The following RETREG2 variants were observed in gnomAD, a reference collection of about 807,000 sequenced individuals.
RETREG2 encodes the protein reticulophagy regulator family member 2.
RETREG2 carries 21 observed loss-of-function variants against 51.6 expected under a neutral mutation model. That is an observed-to-expected ratio of 0.41 (90% CI 0.29 to 0.59). The LOEUF is 0.59. Ranked by LOEUF, RETREG2 falls within the 20% of genes least tolerant of loss-of-function variation. RETREG2 has a pLI of 0.34. For synonymous variants in RETREG2, 339 were observed against 288.6 expected (o/e 1.17, Z -1.77); for missense variants, 674 against 646.0 (o/e 1.04, Z -0.47).
chr2:219,182,563 C>T lies in RETREG2; in HGVS notation c.1566C>T (p.Pro522=). 1 of 1,614,190 alleles carries T rather than the reference C, an allele frequency of 6.2e-7. No individual in the cohort carries two copies. Among genetic ancestry groups the T allele is most frequent in the South Asian group, 1.1e-5 (1 of 91,088 alleles). ...CGCCAAAACCCCCTGATGCTCCACCCCTGGGGCCCGACATCCATTCTCTGG... is the reference window on the plus strand; with the variant it reads ...CGCCAAAACCCCCTGATGCTCCACCTCTGGGGCCCGACATCCATTCTCTGG... ...ETPPKPPDAP[P]LGPDIHSLVQ... The change falls in exon 9 of 9, where the codon CCC becomes CCT. Residue 522 remains proline, a synonymous_variant. Transcript: ENST00000430297.
In RETREG2 at chr2:219,180,261, T is replaced by A. The variant is rs1436837698; in HGVS notation, c.555+16T>A. 2.5e-6 allele frequency: 4 copies of A among 1,613,982 alleles called. 1 individual carries two copies. The South Asian group carries it at 4.4e-5, about 18-fold the overall frequency. On this transcript the variant is annotated intron_variant, in intron 4 of 8. Transcript: ENST00000430297. ...TCCAGCTCAGGTAACCTCCCCTACA[T>A]CATACAACAGTTCACTACACTGAAG...
chr2:219,179,940 C>G (rs374499457), intron 3 of RETREG2, 170 bp from the exon 4 acceptor site: 5 of 1,138,904 alleles, frequency 4.4e-6, no homozygotes, highest in Non-Finnish European at 6.5e-6. Context: ...CCTTTTGGGG[C>G]AGAGGGTTGG....
rs1205485928 is a variant in RETREG2 at position 219,178,320 on chromosome 2, C to T, written c.-33C>T. On this transcript the variant is annotated 5_prime_UTR_variant, in exon 1 of 9. Transcript: ENST00000430297. ...GGCGGCGGCCGCGCAGCCCTGGCTC[C>T]TCGCGGGCTCGGGCGGCGGCTGCGG... 3 of 395,334 alleles carry T rather than the reference C, an allele frequency of 7.6e-6. No homozygotes were observed. The highest frequency in any genetic ancestry group is 7.3e-5 in the East Asian group (2 of 27,278). 24.5% of individuals were successfully genotyped at this position (395,334 alleles called of 1,614,324 possible). A position where few individuals can be genotyped will look rare whatever the true frequency, so the allele number is the denominator to read the frequency against.
chr2:219,179,411 A>G (rs921083559), intron 2 of RETREG2, among the ~76,000 whole-genome samples: 1 of 152,250 alleles, frequency 6.6e-6, no homozygotes, highest in Non-Finnish European at 1.5e-5. Flanking sequence ...TACACATGCT[A>G]TACTTATGAT....
At position 219,183,405 on chromosome 2, in the gene RETREG2, G is replaced by A. The variant is rs559226692; in HGVS notation, c.*776G>A. 1.3e-5 allele frequency: 2 copies of A among 152,402 alleles called. No individual in the cohort carries two copies. Among genetic ancestry groups the A allele is most frequent in the African/African-American group, 4.8e-5 (2 of 41,586 alleles). The allele number at this position is 152,402 out of a possible 1,614,324, so 9.4% of individuals were successfully genotyped here. On this transcript the variant is annotated 3_prime_UTR_variant, in exon 9 of 9. Transcript: ENST00000430297. ...TACTGCTCCTCTGGGTGATCCAAGT[G>A]TAGTGGGACCCCCTACTAGGGTCAG...
rs546568872 is a variant in RETREG2, at chr2:219,182,572, C to G, written c.1575C>G (p.Pro525=). The G allele has an allele frequency of 6.2e-7, 1 of 1,614,042 alleles. No individual in the cohort carries two copies. The highest frequency in any genetic ancestry group is 8.5e-7 in the Non-Finnish European group (1 of 1,180,026). The part of the protein sequence containing the change: ...PKPPDAPPLG[P]DIHSLVQSDQ... ...CCCCTGATGCTCCACCCCTGGGGCC[C>G]GACATCCATTCTCTGGTACAGTCAG... Residue 525 remains proline (P), a synonymous_variant, in exon 9 of 9, where the codon CCC becomes CCG. Transcript: ENST00000430297.
At position 219,184,800 on chromosome 2, in the gene RETREG2, T is replaced by C. The variant is rs1950326947; in HGVS notation, c.*2171T>C. On this transcript the variant is annotated 3_prime_UTR_variant, in exon 9 of 9. Transcript: ENST00000430297. ...TGAGGGTCTATTCTTTTGTTGTTGT[T>C]GTTTTGGTTTTTTGTTTTTTGTGGG... 6.9e-6 allele frequency: 1 copy of C among 144,398 alleles called. No homozygotes were observed. Among genetic ancestry groups the C allele is most frequent in the African/African-American group, 2.5e-5 (1 of 39,764 alleles). 8.9% of individuals were successfully genotyped at this position (144,398 alleles called of 1,614,324 possible).
intron 2 of RETREG2, among the ~76,000 whole-genome samples, chr2:219,179,425 G>A (rs765735005): frequency 2.0e-5 from 3 of 152,208 alleles, no homozygotes; most frequent in Non-Finnish European, 4.4e-5. Flanking sequence ...TTATGATAGT[G>A]TTTCACATAT....
intron 4 of RETREG2, among the ~76,000 whole-genome samples, chr2:219,180,448 CT>C (rs1950262044): frequency 6.6e-6 from 1 of 152,238 alleles, no homozygotes; most frequent in Non-Finnish European, 1.5e-5. Flanking sequence ...TAGCCTGACA[CT>C]TTCTCCTGCC....
rs1490599644 is a variant in RETREG2, at chr2:219,182,274, C to T, written c.1277C>T (p.Pro426Leu). 2.5e-6 allele frequency: 4 copies of T among 1,614,040 alleles called. No homozygotes were observed. In the African/African-American group the frequency reaches 4.0e-5, roughly 16 times the overall value. Residue 426 changes from proline (P) to leucine (L), a missense_variant, in exon 9 of 9, where the codon CCT becomes CTT. Coordinates refer to ENST00000430297, the MANE Select transcript of RETREG2 (RefSeq NM_024293.6). ...GSPPDGVKCS[P>L]GGPVETLSPE... ...CCCCCAGATGGAGTGAAATGCTCCC[C>T]TGGAGGACCAGTGGAGACACTGAGC...
At position 219,184,154 on chromosome 2, in the gene RETREG2, G is replaced by C. The variant is rs1014900802; in HGVS notation, c.*1525G>C. ...AGTTTTGGCTTCAGCAAATGCATCA[G>C]ACAGCCCCTGTCCATTAATAGGGCA... On this transcript the variant is annotated 3_prime_UTR_variant, in exon 9 of 9. Coordinates refer to ENST00000430297, the MANE Select transcript of RETREG2 (RefSeq NM_024293.6). 3.3e-5 allele frequency: 5 copies of C among 152,212 alleles called. No individual in the cohort carries two copies. The highest frequency in any genetic ancestry group is 1.2e-4 in the African/African-American group (5 of 41,448). 9.4% of individuals were successfully genotyped at this position (152,212 alleles called of 1,614,324 possible). A position where few individuals can be genotyped will look rare whatever the true frequency, so the allele number is the denominator to read the frequency against.
Position 219,180,860 on chromosome 2 carries a change from G to T in RETREG2, c.640+106G>T. The T allele has an allele frequency of 2.8e-6, 4 of 1,418,374 alleles. No individual in the cohort carries two copies. The South Asian group carries it at 4.8e-5, about 17-fold the overall frequency. The allele number at this position is 1,418,374 out of a possible 1,614,324, so 87.9% of individuals were successfully genotyped here. A position where few individuals can be genotyped will look rare whatever the true frequency, so the allele number is the denominator to read the frequency against. On this transcript the variant is annotated intron_variant, in intron 5 of 8. Coordinates refer to ENST00000430297, the MANE Select transcript of RETREG2 (RefSeq NM_024293.6). ...TCTCTCTGCTCAGTTTCTGATTTGTGGAGATCTCCAGGGATGCTTTAGTAT... is the reference window on the plus strand; with the variant it reads ...TCTCTCTGCTCAGTTTCTGATTTGTTGAGATCTCCAGGGATGCTTTAGTAT...
At chr2:219,181,929 G>C in intron 8 of RETREG2, 84 bp from the exon 9 acceptor site, 2 of 1,567,936 alleles carry the variant, frequency 1.3e-6, no homozygotes, top group Non-Finnish European at 1.7e-6. Context: ...TCCATGTCTT[G>C]AGTTCTCATC....
intron 1 of RETREG2, 59 bp downstream of exon 1, chr2:219,178,692 G>C: frequency 1.4e-6 from 2 of 1,399,682 alleles, no homozygotes; most frequent in East Asian, 2.8e-5. Context: ...GGGGTCGAGA[G>C]CACCATTCCC....
rs1559224136 is a variant in RETREG2, at chr2:219,184,823, G to GTT, written c.*2194_*2195insTT. The GTT allele has an allele frequency of 3.2e-4, 10 of 30,836 alleles. No individual in the cohort carries two copies. Among genetic ancestry groups the GTT allele is most frequent in the East Asian group, 3.0e-3 (6 of 2,002 alleles). The allele number at this position is 30,836 out of a possible 1,614,324, so 1.9% of individuals were successfully genotyped here. A position where few individuals can be genotyped will look rare whatever the true frequency, so the allele number is the denominator to read the frequency against. ...GTTGTTTTGGTTTTTTGTTTTTTGT[G>GTT]GGTTTTTTTTTTTTTTTTTTTGAGA... On this transcript the variant is annotated 3_prime_UTR_variant, in exon 9 of 9. Coordinates refer to ENST00000430297, the MANE Select transcript of RETREG2 (RefSeq NM_024293.6).
chr2:219,180,889 T>G (rs1293812520), intron 5 of RETREG2, 135 bp downstream of exon 5: 15 of 1,340,742 alleles, frequency 1.1e-5, no homozygotes, highest in Non-Finnish European at 1.6e-5. Context: ...TTAGTATTAG[T>G]AACTGTGGAA....
At chr2:219,180,324 T>C (rs1024093126) in intron 4 of RETREG2, 79 bp downstream of exon 4, 21 of 1,560,606 alleles carry the variant, frequency 1.3e-5, no homozygotes, top group South Asian at 4.5e-5. Context: ...TGGAGTGATA[T>C]AAACTCCCCG....
chr2:219,183,276 T>C lies in RETREG2; in HGVS notation c.*647T>C, dbSNP rs1180243117. The stretch of plus-strand genomic sequence containing the variant: ...AACCTTCACTGCATCCTTGCCCCAT[T>C]CAGCCCGGCCTTTCATGATGCAGGA... On this transcript the variant is annotated 3_prime_UTR_variant, in exon 9 of 9. Transcript: ENST00000430297. 2 of 153,278 alleles carry C rather than the reference T, an allele frequency of 1.3e-5. No homozygotes were observed. Among genetic ancestry groups the C allele is most frequent in the Admixed American group, 6.5e-5 (1 of 15,374 alleles). The allele number at this position is 153,278 out of a possible 1,614,324, so 9.5% of individuals were successfully genotyped here. A position where few individuals can be genotyped will look rare whatever the true frequency, so the allele number is the denominator to read the frequency against.
Position 219,182,704 on chromosome 2 carries a change from T to C in RETREG2, c.*75T>C, listed in dbSNP as rs890400695. On this transcript the variant is annotated 3_prime_UTR_variant, in exon 9 of 9. Transcript: ENST00000430297. ...GAGTGTTGCTGTTTCCTCCTTTGCC[T>C]ACCACTCTGGGGTGGGGCAGTGTGT... The C allele has an allele frequency of 7.1e-6, 11 of 1,542,370 alleles. No individual in the cohort carries two copies. Among genetic ancestry groups the C allele is most frequent in the East Asian group, 4.5e-5 (2 of 44,212 alleles).
Sources: gnomAD v4.1 joint callset for allele counts (sites outside exome capture counted in the v4.1 genomes callset) on GRCh38, gnomAD v4.1.1 for gene constraint, MANE v1.5 for transcripts, NCBI Gene and HGNC (gene_info 2026-07-23, HGNC 2026-07-21) for gene names.